Variants in EEFSEC observed in about 807,000 individuals in gnomAD.
EEFSEC encodes the protein eukaryotic elongation factor, selenocysteine-tRNA specific.
EEFSEC carries 43 observed loss-of-function variants against 42.1 expected under a neutral mutation model. That is an observed-to-expected ratio of 1.02 (90% CI 0.80 to 1.32). The LOEUF is 1.32. Ranked by LOEUF, EEFSEC falls within the 40% of genes most tolerant of loss-of-function variation. The probability of loss-of-function intolerance (pLI) is 0.00; values close to 1 mark genes in which losing one functional copy is unlikely to be tolerated. For synonymous variants in EEFSEC, 354 were observed against 339.1 expected, an observed-to-expected ratio of 1.04 and a Z score of -0.48; for missense variants, 745 against 803.6, an observed-to-expected ratio of 0.93 and a Z score of 0.88.
chr3:128,350,473 C>CA (rs1443734345), intron 5 of EEFSEC, among the ~76,000 whole-genome samples: 7 of 152,178 alleles, frequency 4.6e-5, no homozygotes, highest in Admixed American at 4.6e-4. Flanking sequence ...CTTGAGAAAA[C>CA]AGAGGTTCCC....
intron 5 of EEFSEC, among the ~76,000 whole-genome samples, chr3:128,344,609 T>C (rs778131550): frequency 7.2e-5 from 11 of 152,146 alleles, no homozygotes; most frequent in Admixed American, 3.9e-4. Context: ...AAATTTCCAC[T>C]TTGTCAGACA....
At chr3:128,319,055 ATTC>A in intron 4 of EEFSEC, among the ~76,000 whole-genome samples, 1 of 152,330 alleles carries the variant, frequency 6.6e-6, no homozygotes, top group Non-Finnish European at 1.5e-5. Context: ...CTCCTCGGGA[ATTC>A]TTCTCAACCA....
chr3:128,359,741 G>A (rs1347823213), intron 6 of EEFSEC, among the ~76,000 whole-genome samples: 6 of 152,182 alleles, frequency 3.9e-5, no homozygotes, highest in Admixed American at 1.3e-4. Flanking sequence ...TCCAGGACTC[G>A]AGGTTGATCC....
At chr3:128,355,845 T>G (rs1329332769) in intron 5 of EEFSEC, among the ~76,000 whole-genome samples, 1 of 152,176 alleles carries the variant, frequency 6.6e-6, no homozygotes, top group East Asian at 1.9e-4. Flanking sequence ...TAACGTCAGG[T>G]GGCAATCTGT....
At chr3:128,275,587 G>T (rs1179569601) in intron 4 of EEFSEC, among the ~76,000 whole-genome samples, 1 of 152,226 alleles carries the variant, frequency 6.6e-6, no homozygotes, top group Non-Finnish European at 1.5e-5. Flanking sequence ...TATGGGGAAG[G>T]CACTGAGTGA....
chr3:128,168,400 G>A (rs560974501), intron 1 of EEFSEC, among the ~76,000 whole-genome samples: 232 of 152,304 alleles, frequency 1.5e-3, no homozygotes, highest in African/African-American at 5.1e-3. Flanking sequence ...CTAAGAACCT[G>A]GGAGGCCAGA....
intron 6 of EEFSEC, among the ~76,000 whole-genome samples, chr3:128,377,506 C>T (rs1033263158): frequency 6.6e-6 from 1 of 152,226 alleles, no homozygotes; most frequent in Non-Finnish European, 1.5e-5. Flanking sequence ...AATGTAAAAG[C>T]ACATGCAACA....
intron 1 of EEFSEC, among the ~76,000 whole-genome samples, chr3:128,174,339 A>G (rs994285982): frequency 6.6e-6 from 1 of 152,224 alleles, no homozygotes; most frequent in Non-Finnish European, 1.5e-5. Flanking sequence ...GTTCTCTTGC[A>G]TTGTAGTAGG....
At chr3:128,358,179 C>T (rs866348086) in intron 5 of EEFSEC, 38 bp from the exon 6 acceptor site, 2 of 1,607,696 alleles carry the variant, frequency 1.2e-6, no homozygotes, top group Middle Eastern at 3.3e-4. Flanking sequence ...GTGTGCACCA[C>T]TAATGCCCTC....
chr3:128,186,924 C>A (rs2065472040), intron 1 of EEFSEC, among the ~76,000 whole-genome samples: 1 of 152,198 alleles, frequency 6.6e-6, no homozygotes, highest in Non-Finnish European at 1.5e-5. Flanking sequence ...CCTGTGCTTA[C>A]CTTCCCAGCC....
chr3:128,302,145 T>C (rs2066775987), intron 4 of EEFSEC, among the ~76,000 whole-genome samples: 1 of 152,190 alleles, frequency 6.6e-6, no homozygotes, highest in Non-Finnish European at 1.5e-5. Context: ...ATGACATTTA[T>C]CATCTTGGTC....
chr3:128,178,562 G>A (rs1482641552), intron 1 of EEFSEC, among the ~76,000 whole-genome samples: 2 of 152,098 alleles, frequency 1.3e-5, no homozygotes, highest in African/African-American at 4.8e-5. Flanking sequence ...AGGCAGATTG[G>A]TAGAAGTAAT....
intron 1 of EEFSEC, among the ~76,000 whole-genome samples, chr3:128,174,453 C>G (rs373751770): frequency 1.3e-5 from 2 of 152,146 alleles, no homozygotes; most frequent in African/African-American, 4.8e-5. Flanking sequence ...AGCTTTGGTG[C>G]TTTGCTTATT....
rs758796183 is a variant in EEFSEC at position 128,358,389 on chromosome 3, T to C, written c.1600+16T>C. ...CACATCCCAGGTAAGTGCAGCCACT[T>C]CCTCCCGGTTTAGGGACACCGTGCA... On this transcript the variant is annotated intron_variant, in intron 6 of 6. Transcript: ENST00000254730. 3 of 1,613,620 alleles carry C rather than the reference T, an allele frequency of 1.9e-6. No individual in the cohort carries two copies. The highest frequency in any genetic ancestry group is 2.5e-6 in the Non-Finnish European group (3 of 1,179,608).
intron 6 of EEFSEC, among the ~76,000 whole-genome samples, chr3:128,372,080 T>C (rs547010427): frequency 8.5e-5 from 13 of 152,352 alleles, no homozygotes; most frequent in African/African-American, 3.1e-4. Flanking sequence ...CAGTTTGTAG[T>C]TTTAGGGAAA....
intron 1 of EEFSEC, among the ~76,000 whole-genome samples, chr3:128,202,765 G>T (rs1395123189): frequency 1.3e-5 from 2 of 152,142 alleles, no homozygotes; most frequent in African/African-American, 4.8e-5. Context: ...TATTTCTCTA[G>T]TAAGTATGGT....
chr3:128,198,251 C>T (rs941220330), intron 1 of EEFSEC, among the ~76,000 whole-genome samples: 3 of 152,222 alleles, frequency 2.0e-5, no homozygotes, highest in African/African-American at 4.8e-5. Context: ...GGAGTGCCTC[C>T]GTTCCATTCT....
intron 1 of EEFSEC, among the ~76,000 whole-genome samples, chr3:128,234,803 G>T (rs189166994): frequency 2.0e-5 from 3 of 152,176 alleles, no homozygotes; most frequent in African/African-American, 7.2e-5. Context: ...AAGGGACGTC[G>T]ATCCCAGTGA....
rs560489283 is a variant in EEFSEC, at chr3:128,394,679, G to C, written c.1601-13390G>C. ...TCCCTTGGTGGGGATGGAGCTCCAC[G>C]GGAGGCCACCAGGAACCATGCTCCC... On this transcript the variant is annotated intron_variant, in intron 6 of 6. Transcript: ENST00000254730. 1.5e-4 allele frequency among the ~76,000 whole-genome samples: 23 copies of C among 152,290 alleles called. No homozygotes were observed. The South Asian group carries it at 4.8e-3, about 32-fold the overall frequency.
Sources: allele counts gnomAD v4.1 joint callset (sites outside exome capture counted in the v4.1 genomes callset), GRCh38; gene constraint gnomAD v4.1.1; transcripts MANE v1.5; gene names NCBI Gene and HGNC (gene_info 2026-07-23, HGNC 2026-07-21).